Variants in SLC9A9 observed in about 807,000 individuals in gnomAD.
The protein encoded by SLC9A9 is solute carrier family 9 member A9, also known as sodium/hydrogen exchanger 9.
SLC9A9 carries 62 observed loss-of-function variants against 77.8 expected under a neutral mutation model. That is an observed-to-expected ratio of 0.80 (90% CI 0.65 to 0.98). The LOEUF (loss-of-function observed/expected upper bound fraction) is 0.98, where lower values mean the gene tolerates loss of function less well. Among genes scored for constraint, SLC9A9 ranks in the 50% least tolerant of loss-of-function variants. The probability of loss-of-function intolerance (pLI) is 0.00; values close to 1 mark genes in which losing one functional copy is unlikely to be tolerated. For synonymous variants in SLC9A9, 320 were observed against 283.5 expected (o/e 1.13, Z -1.29); for missense variants, 775 against 774.9 (o/e 1.00, Z 0.00).
chr3:143,331,821 T>A (rs1378442403), intron 14 of SLC9A9, among the ~76,000 whole-genome samples: 1 of 152,188 alleles, frequency 6.6e-6, no homozygotes, highest in Non-Finnish European at 1.5e-5. Context: ...AATTACCATA[T>A]GGTGTGACAA....
At chr3:143,445,379 T>C (rs2034824410) in intron 12 of SLC9A9, among the ~76,000 whole-genome samples, 1 of 152,196 alleles carries the variant, frequency 6.6e-6, no homozygotes, top group South Asian at 2.1e-4. Flanking sequence ...ACATAGGAGA[T>C]GTGATTCACA....
At chr3:143,501,140 AT>A (rs2035917242) in intron 9 of SLC9A9, among the ~76,000 whole-genome samples, 1 of 150,716 alleles carries the variant, frequency 6.6e-6, no homozygotes, top group Non-Finnish European at 1.5e-5. Context: ...AATTGTTTGT[AT>A]TAGTAAAAAC....
At chr3:143,290,188 A>AG (rs2029889223) in intron 14 of SLC9A9, among the ~76,000 whole-genome samples, 1 of 152,158 alleles carries the variant, frequency 6.6e-6, no homozygotes, top group Non-Finnish European at 1.5e-5. Flanking sequence ...ACAGAGTTAA[A>AG]GGGGGCACCT....
At chr3:143,407,856 A>C (rs903152966) in intron 12 of SLC9A9, among the ~76,000 whole-genome samples, 2 of 152,274 alleles carry the variant, frequency 1.3e-5, no homozygotes, top group Non-Finnish European at 2.9e-5. Context: ...ACTTTGAATC[A>C]GTAGGTATAT....
chr3:143,584,375 G>A (rs2037507088), intron 6 of SLC9A9, among the ~76,000 whole-genome samples: 1 of 152,140 alleles, frequency 6.6e-6, no homozygotes, highest in South Asian at 2.1e-4. Flanking sequence ...CCTCCTGGGT[G>A]CCCATGCCAA....
intron 4 of SLC9A9, among the ~76,000 whole-genome samples, chr3:143,713,414 C>A (rs1249232610): frequency 6.6e-6 from 1 of 152,054 alleles, no homozygotes; most frequent in African/African-American, 2.4e-5. Flanking sequence ...CAAGAAGGAA[C>A]ATGGTATCCA....
At chr3:143,646,923 T>C (rs1992866) in intron 6 of SLC9A9, among the ~76,000 whole-genome samples, 43,271 of 152,174 alleles carry the variant, frequency 0.28, 6,747 homozygotes, top group East Asian at 0.38. Flanking sequence ...GTTTAATTTG[T>C]TTTACTTCAT....
chr3:143,655,769 C>A, intron 5 of SLC9A9: 1 of 489,812 alleles, frequency 2.0e-6, no homozygotes, highest in Non-Finnish European at 2.6e-6. Flanking sequence ...TGAGAAATGC[C>A]ACTGAATCCT....
intron 6 of SLC9A9, among the ~76,000 whole-genome samples, chr3:143,619,768 C>G (rs1559996743): frequency 1.3e-5 from 2 of 152,218 alleles, no homozygotes; most frequent in Admixed American, 6.5e-5. Flanking sequence ...TAAGCATACC[C>G]TTTTCTTTCT....
At chr3:143,529,801 G>A (rs183364125) in intron 9 of SLC9A9, among the ~76,000 whole-genome samples, 1 of 152,248 alleles carries the variant, frequency 6.6e-6, no homozygotes, top group East Asian at 1.9e-4. Flanking sequence ...AAAAATGGAA[G>A]ACTAGGAAGA....
rs1156714283 is a variant in SLC9A9, at chr3:143,705,595, T to C, written c.534-12288A>G. On this transcript the variant is annotated intron_variant, in intron 4 of 15. Transcript: ENST00000316549. ...TATATACAGTATGTATCTCCAAAAA[T>C]TAAAAATAAAAAATAAATTTTAAAA... Among the ~76,000 whole-genome samples the C allele has an allele frequency of 2.6e-5, 4 of 152,136 alleles. No homozygotes were observed. The East Asian group carries it at 7.7e-4, about 29-fold the overall frequency.
At chr3:143,399,215 C>T (rs2033796773) in intron 12 of SLC9A9, among the ~76,000 whole-genome samples, 1 of 151,950 alleles carries the variant, frequency 6.6e-6, no homozygotes, top group African/African-American at 2.4e-5. Flanking sequence ...AATGGGTAAG[C>T]TAGGAAGCTG....
chr3:143,789,156 T>C (rs1413309104), intron 4 of SLC9A9, among the ~76,000 whole-genome samples: 1 of 152,100 alleles, frequency 6.6e-6, no homozygotes, highest in Admixed American at 6.5e-5. Context: ...ACATAATAAG[T>C]AGTTTATTGT....
chr3:143,741,839 C>A (rs1214512416), intron 4 of SLC9A9, among the ~76,000 whole-genome samples: 1 of 152,098 alleles, frequency 6.6e-6, no homozygotes, highest in Non-Finnish European at 1.5e-5. Flanking sequence ...CTCCATCTTT[C>A]TTCTAACCTC....
intron 2 of SLC9A9, among the ~76,000 whole-genome samples, chr3:143,799,526 C>T (rs1431361838): frequency 6.6e-6 from 1 of 152,328 alleles, no homozygotes; most frequent in Non-Finnish European, 1.5e-5. Flanking sequence ...GCCAGGGGTT[C>T]TTCCAGAACC....
At chr3:143,496,418 C>T (rs1436149899) in intron 9 of SLC9A9, among the ~76,000 whole-genome samples, 3 of 152,196 alleles carry the variant, frequency 2.0e-5, no homozygotes, top group Non-Finnish European at 4.4e-5. Flanking sequence ...TTTCTCTTGA[C>T]TTTTTAAGGA....
At chr3:143,536,100 A>C (rs558138872) in intron 9 of SLC9A9, among the ~76,000 whole-genome samples, 65 of 152,250 alleles carry the variant, frequency 4.3e-4, no homozygotes, top group Non-Finnish European at 8.7e-4. Context: ...TATAGATTCT[A>C]TACCTAGTAA....
Position 143,467,727 on chromosome 3 carries a change from A to AAGAGAGAGAGAGAGAGAGAG in SLC9A9, c.1316-557_1316-538dup, listed in dbSNP as rs111531862. ...GTGACAGAATAAGTCCCTGGCTCTAAAGAGAGAGAGAGAGAGAGAGAGAGA... is the reference window on the plus strand; with the variant it reads ...GTGACAGAATAAGTCCCTGGCTCTAAAGAGAGAGAGAGAGAGAGAGAGAGAGAGAGAGAGAGAGAGAGAGA... On this transcript the variant is annotated intron_variant, in intron 11 of 15. Transcript: ENST00000316549. 5.0e-3 allele frequency among the ~76,000 whole-genome samples: 731 copies of AAGAGAGAGAGAGAGAGAGAG among 144,766 alleles called. 6 individuals are homozygous for AAGAGAGAGAGAGAGAGAGAG. Among genetic ancestry groups the AAGAGAGAGAGAGAGAGAGAG allele is most frequent in the Non-Finnish European group, 8.0e-3 (521 of 65,502 alleles). 95.0% of individuals were successfully genotyped at this position (144,766 alleles called of 152,430 possible).
At chr3:143,693,853 G>C (rs1356748188) in intron 4 of SLC9A9, among the ~76,000 whole-genome samples, 2 of 152,110 alleles carry the variant, frequency 1.3e-5, no homozygotes. Flanking sequence ...TGTTAGGTTA[G>C]AGCATGTATA....
Sources: allele counts gnomAD v4.1 joint callset (sites outside exome capture counted in the v4.1 genomes callset), GRCh38; gene constraint gnomAD v4.1.1; transcripts MANE v1.5; gene names NCBI Gene and HGNC (gene_info 2026-07-23, HGNC 2026-07-21).